The following THSD7B variants were observed in gnomAD, a reference collection of about 807,000 sequenced individuals.
The protein encoded by THSD7B is thrombospondin type-1 domain-containing protein 7B.
A neutral mutation model predicts 213.6 loss-of-function variants in THSD7B; 138 were observed. That is an observed-to-expected ratio of 0.65 (90% CI 0.56 to 0.74). THSD7B has a LOEUF of 0.74. THSD7B is among the 30% of genes least tolerant of loss of function. The pLI is 0.00. For missense variants in THSD7B, 1,931 were observed against 1,991.5 expected (o/e 0.97, Z 0.58); for synonymous variants, 742 against 687.0 (o/e 1.08, Z -1.25).
At chr2:137,237,822 A>T (rs1216709498) in intron 9 of THSD7B, among the ~76,000 whole-genome samples, 1 of 152,234 alleles carries the variant, frequency 6.6e-6, no homozygotes, top group African/African-American at 2.4e-5. Flanking sequence ...TGAATCCCTG[A>T]GGAAAGGGTA....
chr2:137,530,841 A>T (rs182759439), intron 15 of THSD7B, among the ~76,000 whole-genome samples: 92 of 152,166 alleles, frequency 6.0e-4, no homozygotes, highest in Admixed American at 1.2e-3. Flanking sequence ...GCTTGACTTC[A>T]CAAGGATTAT....
intron 15 of THSD7B, among the ~76,000 whole-genome samples, chr2:137,497,974 TTTAC>T (rs1679610793): frequency 6.6e-6 from 1 of 152,190 alleles, no homozygotes; most frequent in Non-Finnish European, 1.5e-5. Flanking sequence ...TTGATGATCA[TTTAC>T]TTTCCTCACA....
chr2:137,364,973 C>A (rs1438468393), intron 12 of THSD7B, among the ~76,000 whole-genome samples: 1 of 152,166 alleles, frequency 6.6e-6, no homozygotes, highest in African/African-American at 2.4e-5. Flanking sequence ...AGGCATCACA[C>A]TACCTGACTT....
intron 10 of THSD7B, among the ~76,000 whole-genome samples, chr2:137,244,016 A>T (rs534667655): frequency 2.6e-5 from 4 of 152,198 alleles, no homozygotes; most frequent in Middle Eastern, 3.2e-3. Context: ...CTGAATGAAG[A>T]TCCAAAGTAA....
intron 3 of THSD7B, among the ~76,000 whole-genome samples, chr2:137,070,916 T>G (rs1025986182): frequency 6.6e-6 from 1 of 152,234 alleles, no homozygotes; most frequent in Non-Finnish European, 1.5e-5. Context: ...GGCTGCATAG[T>G]ATTCCAAAGT....
intron 1 of THSD7B, among the ~76,000 whole-genome samples, chr2:136,877,394 C>T (rs1448540314): frequency 3.9e-5 from 6 of 152,024 alleles, no homozygotes; most frequent in South Asian, 2.1e-4. Flanking sequence ...TGTCTAGTAA[C>T]GCCGCAAAAG....
At chr2:137,447,207 G>GA (rs1237667736) in intron 14 of THSD7B, among the ~76,000 whole-genome samples, 4 of 150,634 alleles carry the variant, frequency 2.7e-5, no homozygotes, top group African/African-American at 9.7e-5. Flanking sequence ...CATAGGGAAA[G>GA]AAAAAAAAAG....
rs951004184 is a variant in THSD7B, at chr2:137,466,728, A to G, written c.3138+15705A>G. Among the ~76,000 whole-genome samples, 8 of 152,296 alleles carry G rather than the reference A, an allele frequency of 5.3e-5. No individual in the cohort carries two copies. In the East Asian group the frequency reaches 9.7e-4, roughly 18 times the overall value. On this transcript the variant is annotated intron_variant, in intron 15 of 27. Coordinates refer to ENST00000409968, the MANE Select transcript of THSD7B (RefSeq NM_001316349.2). ...TTTATTAGGATGATTTGCAACTAAA[A>G]GAAACCTTAAGCCAAAATGGGCTTG...
intron 2 of THSD7B, among the ~76,000 whole-genome samples, chr2:136,896,449 C>T (rs889004134): frequency 6.6e-6 from 1 of 152,076 alleles, no homozygotes; most frequent in Admixed American, 6.5e-5. Flanking sequence ...GGATGCAAAT[C>T]CTTTATTGGA....
At chr2:137,372,726 T>C (rs2104951724) in intron 12 of THSD7B, among the ~76,000 whole-genome samples, 1 of 152,186 alleles carries the variant, frequency 6.6e-6, no homozygotes, top group East Asian at 1.9e-4. Context: ...CTTTAAGTTT[T>C]AGGGTACATG....
At chr2:136,823,129 ATAT>A (rs1682592609) in intron 1 of THSD7B, among the ~76,000 whole-genome samples, 1 of 152,154 alleles carries the variant, frequency 6.6e-6, no homozygotes, top group Non-Finnish European at 1.5e-5. Flanking sequence ...GATGTGTATC[ATAT>A]GGAGGATGAG....
intron 15 of THSD7B, among the ~76,000 whole-genome samples, chr2:137,496,795 A>T (rs1011854831): frequency 2.6e-5 from 4 of 152,170 alleles, no homozygotes; most frequent in South Asian, 2.1e-4. Context: ...GTGACTTCTC[A>T]TTAACTTTTT....
At chr2:137,077,749 C>T (rs1004764786) in intron 3 of THSD7B, among the ~76,000 whole-genome samples, 13 of 149,598 alleles carry the variant, frequency 8.7e-5, no homozygotes, top group Non-Finnish European at 1.8e-4. Flanking sequence ...GAGTAGGTTG[C>T]AAAAATTTTC....
chr2:137,666,016 A>T (rs1038059326), intron 26 of THSD7B, among the ~76,000 whole-genome samples: 1 of 152,180 alleles, frequency 6.6e-6, no homozygotes, highest in African/African-American at 2.4e-5. Context: ...GGTAACAGTA[A>T]TAGCTACTGG....
Position 137,655,650 on chromosome 2 carries a change from G to A in THSD7B, c.4095G>A (p.Val1365=), listed in dbSNP as rs774488743. 6.2e-7 allele frequency: 1 copy of A among 1,612,750 alleles called. No individual in the cohort carries two copies. Among genetic ancestry groups the A allele is most frequent in the East Asian group, 2.2e-5 (1 of 44,838 alleles). Residue 1365 remains valine, a synonymous_variant, in exon 22 of 28, where the codon GTG becomes GTA. Transcript: ENST00000409968. The part of the protein sequence containing the change: ...QDSILKQLCS[V]PCPGDCHLTE... The stretch of plus-strand genomic sequence containing the variant: ...GCATCCTGAAGCAGCTGTGTTCTGT[G>A]CCTTGCCCAGGTATGCAATGCTAGT...
chr2:136,802,639 T>TATATATA (rs1682205694), intron 1 of THSD7B, among the ~76,000 whole-genome samples: 4 of 57,380 alleles, frequency 7.0e-5, no homozygotes, highest in African/African-American at 1.4e-4. Context: ...TGAATTAAGT[T>TATATATA]TATATATATA....
At chr2:137,427,525 A>C (rs1393723412) in intron 14 of THSD7B, among the ~76,000 whole-genome samples, 4 of 151,934 alleles carry the variant, frequency 2.6e-5, no homozygotes, top group Admixed American at 6.6e-5. Flanking sequence ...TGAAAAAAAA[A>C]CCTTGCCATT....
intron 2 of THSD7B, among the ~76,000 whole-genome samples, chr2:136,995,602 A>C (rs956040853): frequency 1.3e-5 from 2 of 152,040 alleles, no homozygotes; most frequent in African/African-American, 4.8e-5. Context: ...ATTTTTTGGG[A>C]AAGTGTGATG....
intron 12 of THSD7B, among the ~76,000 whole-genome samples, chr2:137,292,154 C>T (rs1175707059): frequency 1.3e-5 from 2 of 152,124 alleles, no homozygotes; most frequent in African/African-American, 4.8e-5. Context: ...TGTTCATTTT[C>T]AGGACTACTC....
Sources: gnomAD v4.1 joint callset for allele counts (sites outside exome capture counted in the v4.1 genomes callset) on GRCh38, gnomAD v4.1.1 for gene constraint, MANE v1.5 for transcripts, NCBI Gene and HGNC (gene_info 2026-07-23, HGNC 2026-07-21) for gene names.